The following CCDC171 variants were observed in gnomAD, a reference collection of about 807,000 sequenced individuals.
CCDC171 encodes coiled-coil domain containing 171, also known as coiled-coil domain-containing protein 171.
Under a neutral mutation model 168.2 loss-of-function variants are expected in CCDC171, and 177 were observed. The ratio of observed to expected loss-of-function variants is 1.05; its 90% CI spans 0.93 to 1.19. The LOEUF (loss-of-function observed/expected upper bound fraction) is 1.19, where lower values mean the gene tolerates loss of function less well. Among genes scored for constraint, CCDC171 ranks in the 50% most tolerant of loss-of-function variants. The pLI, the probability that CCDC171 is intolerant of heterozygous loss-of-function variation, is 0.00. For missense variants in CCDC171, 1,991 were observed against 1,539.0 expected (o/e 1.29, Z -4.91); for synonymous variants, 687 against 540.8 (o/e 1.27, Z -3.75).
At chr9:16,014,243 G>C (rs1002047399) in intron 3 of CCDC171, among the ~76,000 whole-genome samples, 2 of 152,126 alleles carry the variant, frequency 1.3e-5, no homozygotes, top group Non-Finnish European at 2.9e-5. Context: ...ACCATTCTTC[G>C]CTCATCCATA....
At chr9:15,984,197 C>CAGG (rs372415223) in intron 3 of CCDC171, among the ~76,000 whole-genome samples, 6 of 151,972 alleles carry the variant, frequency 3.9e-5, no homozygotes, top group South Asian at 2.1e-4. Flanking sequence ...ATCTGGAGCC[C>CAGG]TAAGACCTGC....
At chr9:15,593,846 G>A (rs762990053) in intron 5 of CCDC171, among the ~76,000 whole-genome samples, 195 bp from the exon 6 acceptor site, 1 of 151,496 alleles carries the variant, frequency 6.6e-6, no homozygotes, top group Non-Finnish European at 1.5e-5. Context: ...GGTATAATCT[G>A]TTGTTTAAAT....
chr9:15,613,193 C>G (rs892068242), intron 6 of CCDC171, among the ~76,000 whole-genome samples: 1 of 152,140 alleles, frequency 6.6e-6, no homozygotes, highest in Non-Finnish European at 1.5e-5. Context: ...TCCAGTTTCT[C>G]TACGTCTTTG....
At chr9:15,662,058 C>G (rs1171779349) in intron 8 of CCDC171, among the ~76,000 whole-genome samples, 1 of 152,110 alleles carries the variant, frequency 6.6e-6, no homozygotes, top group Non-Finnish European at 1.5e-5. Context: ...GGGCAGATCA[C>G]TTGAGGCCAG....
chr9:15,588,121 G>C (rs2041705845), intron 4 of CCDC171, among the ~76,000 whole-genome samples: 1 of 152,122 alleles, frequency 6.6e-6, no homozygotes, highest in African/African-American at 2.4e-5. Context: ...TGTAATCCCA[G>C]CTACTCGGGA....
intron 24 of CCDC171, among the ~76,000 whole-genome samples, chr9:15,880,360 A>G (rs1435940348): frequency 6.6e-5 from 10 of 152,108 alleles, no homozygotes; most frequent in Admixed American, 1.3e-4. Context: ...GTAGTTGTGT[A>G]TATTTACATG....
chr9:15,735,473 A>G (rs1423470717), intron 16 of CCDC171, among the ~76,000 whole-genome samples: 1 of 152,168 alleles, frequency 6.6e-6, no homozygotes, highest in Non-Finnish European at 1.5e-5. Flanking sequence ...GTTACCCTTG[A>G]TGTAATGTTT....
At chr9:15,871,157 A>G (rs1360449314) in intron 23 of CCDC171, among the ~76,000 whole-genome samples, 1 of 151,702 alleles carries the variant, frequency 6.6e-6, no homozygotes, top group Admixed American at 6.6e-5. Context: ...ATTCTAAAAT[A>G]TGATATTGCA....
chr9:15,952,229 A>G lies in CCDC171; in HGVS notation c.3754-19380A>G, dbSNP rs1019388678. Among the ~76,000 whole-genome samples, 13 of 152,184 alleles carry G rather than the reference A, an allele frequency of 8.5e-5. No homozygotes were observed. In the East Asian group the frequency reaches 1.5e-3, roughly 18 times the overall value. On this transcript the variant is annotated intron_variant, in intron 25 of 25. Coordinates refer to ENST00000380701, the MANE Select transcript of CCDC171 (RefSeq NM_173550.4). ...ACTTCTGAGCTCTCTATTCTGTTCT[A>G]TTGGTCTCTATATCTGTCTTTATGC...
chr9:15,956,166 G>A (rs9969791), intron 25 of CCDC171, among the ~76,000 whole-genome samples: 47,264 of 152,034 alleles, frequency 0.31, 9,131 homozygotes, highest in East Asian at 0.61. Flanking sequence ...GGCATGTCAC[G>A]AAAGCACTGC....
rs531323556 is a variant in CCDC171 at position 15,801,432 on chromosome 9, A to G, written c.3267+16738A>G. 1.8e-4 allele frequency among the ~76,000 whole-genome samples: 28 copies of G among 152,182 alleles called. 1 individual carries two copies. The South Asian group carries it at 5.0e-3, about 27-fold the overall frequency. On this transcript the variant is annotated intron_variant, in intron 21 of 25. Transcript: ENST00000380701. Reference sequence around the variant, plus strand: ...ATTTCAGATTGTTTACTTTAGGCATATGGAAATACTACTGAATTTTGAATG... The same window carrying G: ...ATTTCAGATTGTTTACTTTAGGCATGTGGAAATACTACTGAATTTTGAATG...
chr9:16,085,733 T>C, the CCDC171 span, among the ~76,000 whole-genome samples: 2 of 152,230 alleles, frequency 1.3e-5, no homozygotes, highest in African/African-American at 2.4e-5. Flanking sequence ...TTATTCCTTT[T>C]TAAAACATTT....
At position 15,608,878 on chromosome 9, in the gene CCDC171, T is replaced by C. The variant is rs2043420602; in HGVS notation, c.676-14389T>C. Among the ~76,000 whole-genome samples the C allele has an allele frequency of 2.9e-5, 4 of 136,886 alleles. No homozygotes were observed. In the South Asian group the frequency reaches 9.5e-4, roughly 33 times the overall value. The allele number at this position is 136,886 out of a possible 152,430, so 89.8% of individuals were successfully genotyped here. A position where few individuals can be genotyped will look rare whatever the true frequency, so the allele number is the denominator to read the frequency against. ...GAGGCTGAGGTGAGAGGATTGCTTT[T>C]GCCTGGGAGGTCAAGGCTGCATTGT... On this transcript the variant is annotated intron_variant, in intron 6 of 25. Transcript: ENST00000380701.
At chr9:15,698,393 T>C (rs10962119) in intron 11 of CCDC171, among the ~76,000 whole-genome samples, 68,759 of 151,464 alleles carry the variant, frequency 0.45, 15,916 homozygotes, top group Non-Finnish European at 0.51. Flanking sequence ...TGGTGGCGGG[T>C]GCCTGTAGTC....
chr9:15,590,269 T>A (rs1302852267), intron 4 of CCDC171, among the ~76,000 whole-genome samples: 2 of 152,238 alleles, frequency 1.3e-5, no homozygotes, highest in Non-Finnish European at 2.9e-5. Flanking sequence ...ACATTTTGAA[T>A]GTATGATTGA....
At chr9:16,077,513 T>C in the CCDC171 span, among the ~76,000 whole-genome samples, 74,989 of 151,950 alleles carry the variant, frequency 0.49, 20,875 homozygotes, top group African/African-American at 0.77. Context: ...TGTGAGATTA[T>C]GCTCACCCCC....
At chr9:15,987,682 G>A (rs1832037805) in intron 3 of CCDC171, among the ~76,000 whole-genome samples, 1 of 148,514 alleles carries the variant, frequency 6.7e-6, no homozygotes, top group South Asian at 2.2e-4. Context: ...ATGAAAAGTT[G>A]TTCATATTTC....
intron 21 of CCDC171, among the ~76,000 whole-genome samples, chr9:15,826,039 C>G (rs2059996542): frequency 6.6e-6 from 1 of 151,952 alleles, no homozygotes; most frequent in South Asian, 2.1e-4. Context: ...CTCTATGGCT[C>G]TTATATTTTA....
intron 21 of CCDC171, among the ~76,000 whole-genome samples, chr9:15,792,647 G>C (rs2058328549): frequency 6.6e-6 from 1 of 152,148 alleles, no homozygotes; most frequent in South Asian, 2.1e-4. Context: ...CTACAAGCCA[G>C]AAGAGAGTGG....
Sources: allele counts gnomAD v4.1 joint callset (sites outside exome capture counted in the v4.1 genomes callset), GRCh38; gene constraint gnomAD v4.1.1; transcripts MANE v1.5; gene names NCBI Gene and HGNC (gene_info 2026-07-23, HGNC 2026-07-21).